PLPPR5: variants seen among roughly 807,000 people sequenced by gnomAD.
PLPPR5 encodes phospholipid phosphatase-related protein type 5.
Under a neutral mutation model 33.9 loss-of-function variants are expected in PLPPR5, and 16 were observed. The ratio of observed to expected loss-of-function variants is 0.47; its 90% CI spans 0.32 to 0.72. PLPPR5 has a LOEUF of 0.72. PLPPR5 is among the 30% of genes least tolerant of loss of function. PLPPR5 has a pLI of 0.03. For synonymous variants in PLPPR5, 163 were observed against 150.3 expected (o/e 1.08, Z -0.62); for missense variants, 301 against 406.7 (o/e 0.74, Z 2.23).
At chr1:98,907,527 C>T (rs1353643131) in intron 5 of PLPPR5, among the ~76,000 whole-genome samples, 2 of 152,068 alleles carry the variant, frequency 1.3e-5, no homozygotes, top group African/African-American at 4.8e-5. Flanking sequence ...TTTCTTAATG[C>T]TCTATTAAAA....
At chr1:98,979,236 G>C (rs1017502326) in intron 1 of PLPPR5, among the ~76,000 whole-genome samples, 3 of 151,974 alleles carry the variant, frequency 2.0e-5, no homozygotes, top group African/African-American at 7.2e-5. Context: ...CTTCAGAGCA[G>C]TTTTCTTGTT....
chr1:98,982,643 A>G (rs1168003630), intron 1 of PLPPR5, among the ~76,000 whole-genome samples: 2 of 152,092 alleles, frequency 1.3e-5, no homozygotes, highest in Non-Finnish European at 2.9e-5. Context: ...GCCAGATTCC[A>G]GAATCACAAG....
At position 98,891,296 on chromosome 1, in the gene PLPPR5, T is replaced by C. The variant is rs1026533891; in HGVS notation, c.*1776A>G. ...ATAGAAATGGGCAAATAACATCTAT[T>C]TGGGGAGTAATGGACAATCTTTGGT... On this transcript the variant is annotated 3_prime_UTR_variant, in exon 6 of 6. Transcript: ENST00000263177. 2 of 152,058 alleles carry C rather than the reference T, an allele frequency of 1.3e-5. No homozygotes were observed. The highest frequency in any genetic ancestry group is 2.4e-5 in the African/African-American group (1 of 41,416). The allele number at this position is 152,058 out of a possible 1,614,324, so 9.4% of individuals were successfully genotyped here.
chr1:98,959,302 C>T (rs557932341), intron 1 of PLPPR5, among the ~76,000 whole-genome samples: 35 of 152,304 alleles, frequency 2.3e-4, no homozygotes, highest in African/African-American at 8.2e-4. Flanking sequence ...CTAATGCTGA[C>T]CTCTTGCTTG....
At chr1:98,935,481 C>T (rs1032500720) in intron 3 of PLPPR5, among the ~76,000 whole-genome samples, 2 of 151,906 alleles carry the variant, frequency 1.3e-5, no homozygotes, top group Non-Finnish European at 2.9e-5. Context: ...TTGTAATAAC[C>T]CCCAATTTAT....
intron 3 of PLPPR5, among the ~76,000 whole-genome samples, chr1:98,934,807 C>T (rs1650116538): frequency 6.6e-6 from 1 of 152,132 alleles, no homozygotes; most frequent in East Asian, 1.9e-4. Flanking sequence ...TTAGGCAAAA[C>T]TTCCTGTAGG....
Position 98,930,153 on chromosome 1 carries a change from T to C in PLPPR5, c.622-8095A>G, listed in dbSNP as rs200409494. 2.0e-4 allele frequency among the ~76,000 whole-genome samples: 31 copies of C among 152,296 alleles called. 1 individual carries two copies. The East Asian group carries it at 6.0e-3, about 29-fold the overall frequency. On this transcript the variant is annotated intron_variant, in intron 3 of 5. Transcript: ENST00000263177. The stretch of plus-strand genomic sequence containing the variant: ...ATTTGGGTGAATTGAAGGGTTAGAT[T>C]TGGTATACCTTAAACAAAAATGAAG...
Position 98,906,157 on chromosome 1 carries a change from T to C in PLPPR5, c.933+8629A>G, listed in dbSNP as rs560435220. On this transcript the variant is annotated intron_variant, in intron 5 of 5. Transcript: ENST00000263177. ...TACTATATACCTAGTATATACACAG[T>C]GTGTGTATATATATATAGTGTGTGT... Among the ~76,000 whole-genome samples, 5 of 150,886 alleles carry C rather than the reference T, an allele frequency of 3.3e-5. No homozygotes were observed. In the East Asian group the frequency reaches 9.8e-4, roughly 30 times the overall value.
chr1:98,911,994 C>A (rs1314351537), intron 5 of PLPPR5, among the ~76,000 whole-genome samples: 2 of 152,114 alleles, frequency 1.3e-5, no homozygotes, highest in African/African-American at 4.8e-5. Flanking sequence ...GTCTCGAAAT[C>A]CTGACCTCAA....
chr1:98,900,655 T>C (rs909367169), intron 5 of PLPPR5, among the ~76,000 whole-genome samples: 1 of 152,180 alleles, frequency 6.6e-6, no homozygotes, highest in Non-Finnish European at 1.5e-5. Flanking sequence ...AGTTATTTCA[T>C]TTTCCTTTAA....
intron 1 of PLPPR5, among the ~76,000 whole-genome samples, chr1:98,964,237 C>G (rs534914201): frequency 6.6e-6 from 1 of 152,236 alleles, no homozygotes; most frequent in Non-Finnish European, 1.5e-5. Context: ...GTGAACCAAC[C>G]AATGAAAGCT....
At chr1:98,944,260 C>G (rs1332380940) in intron 3 of PLPPR5, among the ~76,000 whole-genome samples, 1 of 152,204 alleles carries the variant, frequency 6.6e-6, no homozygotes, top group Non-Finnish European at 1.5e-5. Flanking sequence ...ACCCCTACCA[C>G]AAAGAAGGAC....
intron 4 of PLPPR5, among the ~76,000 whole-genome samples, chr1:98,917,153 A>G (rs967092682): frequency 3.9e-5 from 6 of 152,122 alleles, no homozygotes; most frequent in Admixed American, 1.3e-4. Context: ...CCCACTCCCC[A>G]ACACCCACCT....
intron 3 of PLPPR5, among the ~76,000 whole-genome samples, chr1:98,930,001 T>C (rs1229040705): frequency 1.3e-5 from 2 of 152,226 alleles, no homozygotes; most frequent in African/African-American, 4.8e-5. Flanking sequence ...AAAATATATT[T>C]GATTGCTATA....
chr1:98,969,946 C>G (rs757250185), intron 1 of PLPPR5, among the ~76,000 whole-genome samples: 14 of 152,018 alleles, frequency 9.2e-5, no homozygotes, highest in African/African-American at 1.7e-4. Context: ...GAGGTGACAG[C>G]TCTGCCTAAG....
intron 5 of PLPPR5, among the ~76,000 whole-genome samples, chr1:98,911,886 A>G (rs2101149007): frequency 6.6e-6 from 1 of 151,968 alleles, no homozygotes; most frequent in Middle Eastern, 3.4e-3. Flanking sequence ...CAGCCTCCTG[A>G]GTCTCTAGTA....
intron 5 of PLPPR5, among the ~76,000 whole-genome samples, chr1:98,907,930 C>T (rs1648967456): frequency 6.6e-6 from 1 of 152,156 alleles, no homozygotes; most frequent in Non-Finnish European, 1.5e-5. Context: ...CCAAAGGTAA[C>T]TTCCCATCCA....
At chr1:98,910,341 T>G (rs1649073943) in intron 5 of PLPPR5, among the ~76,000 whole-genome samples, 2 of 152,160 alleles carry the variant, frequency 1.3e-5, no homozygotes, top group African/African-American at 4.8e-5. Context: ...TGTTTACTAG[T>G]ATGAGCCATA....
At position 99,000,285 on chromosome 1, in the gene PLPPR5, C is replaced by G. The variant is rs140430874; in HGVS notation, c.237+4150G>C. 7.5e-4 allele frequency among the ~76,000 whole-genome samples: 114 copies of G among 152,234 alleles called. 1 individual carries two copies. Among genetic ancestry groups the G allele is most frequent in the African/African-American group, 2.5e-3 (105 of 41,536 alleles). ...GTAATATTAGACAATGCAAAATAAACTTGGAGATGAAGAGTTTGAAATTAT... is the reference window on the plus strand; with the variant it reads ...GTAATATTAGACAATGCAAAATAAAGTTGGAGATGAAGAGTTTGAAATTAT... On this transcript the variant is annotated intron_variant, in intron 1 of 5. Transcript: ENST00000263177.
Sources: gnomAD v4.1 joint callset for allele counts (sites outside exome capture counted in the v4.1 genomes callset) on GRCh38, gnomAD v4.1.1 for gene constraint, MANE v1.5 for transcripts, NCBI Gene and HGNC (gene_info 2026-07-23, HGNC 2026-07-21) for gene names.